The following SFXN5 variants were observed in gnomAD, a reference collection of about 807,000 sequenced individuals.
SFXN5 encodes the protein sideroflexin 5.
A neutral mutation model predicts 50.2 loss-of-function variants in SFXN5; 43 were observed. That is an observed-to-expected ratio of 0.86 (90% CI 0.67 to 1.11). The LOEUF (loss-of-function observed/expected upper bound fraction) is 1.11, where lower values mean the gene tolerates loss of function less well. SFXN5 is among the 50% of genes least tolerant of loss of function. SFXN5 has a pLI of 0.00. For synonymous variants in SFXN5, 203 were observed against 185.8 expected, an observed-to-expected ratio of 1.09 and a Z score of -0.75; for missense variants, 463 against 454.1, an observed-to-expected ratio of 1.02 and a Z score of -0.18.
intron 13 of SFXN5, chr2:72,957,081 C>G (rs1309571011): frequency 2.2e-6 from 1 of 456,676 alleles, no homozygotes; most frequent in Non-Finnish European, 4.4e-6. Context: ...GCTTCTTCCC[C>G]TTCTTGATGG....
At chr2:73,070,140 G>A (rs1481331167) in intron 1 of SFXN5, among the ~76,000 whole-genome samples, 2 of 152,302 alleles carry the variant, frequency 1.3e-5, no homozygotes, top group Admixed American at 1.3e-4. Flanking sequence ...CTTTAAGAAC[G>A]AGCAGAATGG....
chr2:72,968,339 G>C lies in SFXN5; in HGVS notation c.827+109C>G, dbSNP rs1674704532. On this transcript the variant is annotated intron_variant, in intron 12 of 13. Transcript: ENST00000272433. ...CACCTTCCACCCTCTACACAAACTG[G>C]GGTGGGCTTCCTGCCACCCCCTCAT... 10 of 925,906 alleles carry C rather than the reference G, an allele frequency of 1.1e-5. No individual in the cohort carries two copies. In the East Asian group the frequency reaches 2.7e-4, roughly 25 times the overall value. The allele number at this position is 925,906 out of a possible 1,614,324, so 57.4% of individuals were successfully genotyped here.
At chr2:73,004,674 A>G (rs1674383820) in intron 6 of SFXN5, among the ~76,000 whole-genome samples, 1 of 151,930 alleles carries the variant, frequency 6.6e-6, no homozygotes, top group African/African-American at 2.4e-5. Flanking sequence ...AGAAGACAGG[A>G]ACACCGAGCT....
intron 12 of SFXN5, among the ~76,000 whole-genome samples, chr2:72,964,197 C>T (rs1674102411): frequency 1.3e-5 from 2 of 152,350 alleles, no homozygotes; most frequent in Non-Finnish European, 2.9e-5. Flanking sequence ...ATTCCTTCAG[C>T]ACTTGGAGCG....
chr2:73,066,516 C>T lies in SFXN5; in HGVS notation c.102+5088G>A, dbSNP rs541153137. 3.3e-5 allele frequency among the ~76,000 whole-genome samples: 5 copies of T among 151,858 alleles called. No individual in the cohort carries two copies. In the East Asian group the frequency reaches 9.7e-4, roughly 29 times the overall value. ...GAGGTTGCAGTGAGCTGACATCATG[C>T]CACTGCACTCCAGCCTGGGCGACAG... On this transcript the variant is annotated intron_variant, in intron 1 of 13. Coordinates refer to ENST00000272433, the MANE Select transcript of SFXN5 (RefSeq NM_144579.3).
At chr2:72,949,881 G>T (rs1672341819) in intron 13 of SFXN5, among the ~76,000 whole-genome samples, 2 of 152,064 alleles carry the variant, frequency 1.3e-5, no homozygotes, top group South Asian at 4.2e-4. Context: ...CTCAGGAGCT[G>T]GGGTGGCTGG....
intron 1 of SFXN5, 128 bp downstream of exon 1, chr2:73,071,476 C>T (rs187477909): frequency 5.8e-5 from 46 of 796,402 alleles, no homozygotes; most frequent in South Asian, 2.1e-4. Context: ...AGGTTCCCCC[C>T]CTGGCGCTAG....
chr2:72,998,628 C>T (rs1252064490), intron 9 of SFXN5: 1 of 351,376 alleles, frequency 2.8e-6, no homozygotes, highest in Non-Finnish European at 5.2e-6. Flanking sequence ...GCTCCAGCCA[C>T]GTTACCGAGC....
intron 12 of SFXN5, among the ~76,000 whole-genome samples, chr2:72,964,907 C>T (rs138126115): frequency 9.8e-5 from 15 of 152,316 alleles, no homozygotes; most frequent in African/African-American, 3.6e-4. Flanking sequence ...AATAATCAAC[C>T]CACTTGCCAT....
chr2:73,029,908 G>GA (rs993634680), intron 3 of SFXN5, among the ~76,000 whole-genome samples: 2 of 151,712 alleles, frequency 1.3e-5, no homozygotes, highest in African/African-American at 4.8e-5. Context: ...CCCATCTCTA[G>GA]AAAAAATACA....
intron 10 of SFXN5, among the ~76,000 whole-genome samples, chr2:72,985,196 A>C (rs1416804859): frequency 6.6e-6 from 1 of 152,204 alleles, no homozygotes; most frequent in Non-Finnish European, 1.5e-5. Context: ...CTAAAGGGAC[A>C]GGGGACCCTC....
chr2:73,070,696 C>T (rs1446272009), intron 1 of SFXN5: 4 of 152,252 alleles, frequency 2.6e-5, no homozygotes, highest in African/African-American at 9.6e-5. Flanking sequence ...CCCCCGCCTC[C>T]GCAGTCTAGG....
chr2:72,965,129 A>AGAGGAGCACATCAGTG (rs1416908950), intron 12 of SFXN5, among the ~76,000 whole-genome samples: 2 of 152,240 alleles, frequency 1.3e-5, no homozygotes, highest in Non-Finnish European at 1.5e-5. Context: ...CTGGACATCC[A>AGAGGAGCACATCAGTG]GAGGAGCACA....
chr2:73,051,240 T>C (rs1681271565), intron 2 of SFXN5, among the ~76,000 whole-genome samples: 1 of 148,602 alleles, frequency 6.7e-6, no homozygotes, highest in Non-Finnish European at 1.5e-5. Flanking sequence ...TTCATGGCAA[T>C]GAGACTTTTT....
chr2:73,036,659 G>C (rs1679019388), intron 3 of SFXN5, among the ~76,000 whole-genome samples: 1 of 152,088 alleles, frequency 6.6e-6, no homozygotes, highest in Non-Finnish European at 1.5e-5. Context: ...CTGGGAGCTG[G>C]AAGGGGTCCC....
chr2:73,059,106 C>G, intron 1 of SFXN5: 1 of 990,226 alleles, frequency 1.0e-6, no homozygotes, highest in Non-Finnish European at 1.2e-6. Flanking sequence ...TCCTCAGGCC[C>G]TCCTTCACCC....
At chr2:73,032,595 T>C (rs1441081290) in intron 3 of SFXN5, among the ~76,000 whole-genome samples, 3 of 152,148 alleles carry the variant, frequency 2.0e-5, no homozygotes, top group Admixed American at 6.5e-5. Flanking sequence ...CCAACTGGCC[T>C]TCTCGGGCAG....
At chr2:72,955,947 A>C (rs950494095) in intron 13 of SFXN5, among the ~76,000 whole-genome samples, 1 of 152,264 alleles carries the variant, frequency 6.6e-6, no homozygotes, top group African/African-American at 2.4e-5. Flanking sequence ...CCTCTGCTTT[A>C]GGTCCATCAT....
Position 72,944,661 on chromosome 2 carries a change from C to T in SFXN5, c.*361G>A. 5.3e-6 allele frequency: 1 copy of T among 189,526 alleles called. No homozygotes were observed. The highest frequency in any genetic ancestry group is 1.1e-5 in the Non-Finnish European group (1 of 91,364). 11.7% of individuals were successfully genotyped at this position (189,526 alleles called of 1,614,324 possible). On this transcript the variant is annotated 3_prime_UTR_variant, in exon 14 of 14. Coordinates refer to ENST00000272433, the MANE Select transcript of SFXN5 (RefSeq NM_144579.3). ...CTGAAACTAAGGCTCAGATTTGATT[C>T]TGATAAAAAATAAAAATAAAAAAGG...
Sources: allele counts gnomAD v4.1 joint callset (sites outside exome capture counted in the v4.1 genomes callset), GRCh38; gene constraint gnomAD v4.1.1; transcripts MANE v1.5; gene names NCBI Gene and HGNC (gene_info 2026-07-23, HGNC 2026-07-21).